MTIF2: variants seen among roughly 807,000 people sequenced by gnomAD.
MTIF2 encodes the protein mitochondrial translational initiation factor 2.
MTIF2 carries 71 observed loss-of-function variants against 83.5 expected under a neutral mutation model. The observed-to-expected ratio is 0.85, with a 90% confidence interval of 0.70 to 1.04. The LOEUF (loss-of-function observed/expected upper bound fraction) is 1.04. Among genes scored for constraint, MTIF2 ranks in the 50% least tolerant of loss-of-function variants. The probability of loss-of-function intolerance (pLI) is 0.00; values close to 1 mark genes in which losing one functional copy is unlikely to be tolerated. For synonymous variants in MTIF2, 319 were observed against 287.1 expected (o/e 1.11, Z -1.12); for missense variants, 957 against 846.5 (o/e 1.13, Z -1.62).
chr2:55,263,007 G>A (rs755209693), intron 4 of MTIF2, among the ~76,000 whole-genome samples: 13 of 152,168 alleles, frequency 8.5e-5, no homozygotes, highest in South Asian at 2.1e-4. Flanking sequence ...GATTACAGGC[G>A]TGAGCCACCA....
At chr2:55,258,637 C>A (rs1677723630) in intron 5 of MTIF2, among the ~76,000 whole-genome samples, 1 of 152,050 alleles carries the variant, frequency 6.6e-6, no homozygotes, top group Non-Finnish European at 1.5e-5. Context: ...CATGCTGAAA[C>A]CTCGTCTCTA....
intron 14 of MTIF2, among the ~76,000 whole-genome samples, chr2:55,237,905 ACT>A (rs961739077): frequency 6.6e-6 from 1 of 151,276 alleles, no homozygotes; most frequent in African/African-American, 2.4e-5. Flanking sequence ...CCCACCTCAG[ACT>A]CTCAAAGTGC....
intron 3 of MTIF2, among the ~76,000 whole-genome samples, 153 bp downstream of exon 3, chr2:55,267,416 C>T (rs973826313): frequency 3.9e-5 from 6 of 152,308 alleles, no homozygotes; most frequent in South Asian, 2.1e-4. Flanking sequence ...GCCTTGGCCT[C>T]CCAAAGTGCT....
In MTIF2 at chr2:55,243,445, T is replaced by G. The variant is rs370762160; in HGVS notation, c.1535A>C (p.Asp512Ala). The G allele has an allele frequency of 6.2e-6, 10 of 1,609,280 alleles. No individual in the cohort carries two copies. The African/African-American group carries it at 1.2e-4, about 19-fold the overall frequency. The change falls in exon 12 of 16, where the codon GAT (aspartate) becomes GCT (alanine). Residue 512 changes from aspartate (D) to alanine (A), a missense_variant. Asp to Ala is a moderately radical substitution (Grantham distance 126). Around this residue, in one of 3 missense-constraint regions of MTIF2, gnomAD observed 733 missense variants for 648.7 expected, o/e 1.13. Coordinates refer to ENST00000263629, the MANE Select transcript of MTIF2 (RefSeq NM_002453.3). The part of the protein sequence containing the change: ...PLKPKEKRER[D>A]SNVLSVIIKG... ...AATAATCACAGAAAGTACATTTGAATCTCTTTCCCTTTTCTCTTTTGGCTT... is the reference window on the plus strand; with the variant it reads ...AATAATCACAGAAAGTACATTTGAAGCTCTTTCCCTTTTCTCTTTTGGCTT...
chr2:55,252,796 A>G, intron 7 of MTIF2, 143 bp from the exon 8 acceptor site: 2 of 572,092 alleles, frequency 3.5e-6, no homozygotes, highest in South Asian at 3.7e-5. Context: ...CAGAACACAG[A>G]TCATCATTTC....
intron 9 of MTIF2, 144 bp from the exon 10 acceptor site, chr2:55,246,605 C>A: frequency 6.7e-5 from 45 of 667,730 alleles, no homozygotes; most frequent in Middle Eastern, 3.6e-4. Flanking sequence ...CTCAATTTAA[C>A]AAAGAAAGGG....
intron 8 of MTIF2, among the ~76,000 whole-genome samples, chr2:55,250,647 A>G (rs915502477): frequency 6.6e-6 from 1 of 152,204 alleles, no homozygotes; most frequent in Non-Finnish European, 1.5e-5. Flanking sequence ...AGGACCAAAC[A>G]ATCTTTTAAT....
At chr2:55,243,137 T>A in intron 12 of MTIF2, 57 bp from the exon 13 acceptor site, 1 of 1,485,032 alleles carries the variant, frequency 6.7e-7, no homozygotes, top group South Asian at 1.3e-5. Flanking sequence ...TCAGCAGACA[T>A]AAAAATGACA....
At chr2:55,237,726 C>T (rs1675987674) in intron 14 of MTIF2, among the ~76,000 whole-genome samples, 1 of 140,102 alleles carries the variant, frequency 7.1e-6, no homozygotes. Flanking sequence ...TCTTGGCTCA[C>T]TGCAACCTCC....
intron 5 of MTIF2, among the ~76,000 whole-genome samples, chr2:55,255,854 G>C (rs1041219015): frequency 1.3e-5 from 2 of 151,856 alleles, no homozygotes; most frequent in Non-Finnish European, 2.9e-5. Flanking sequence ...AATAATAACT[G>C]CAAGAGAACC....
intron 8 of MTIF2, among the ~76,000 whole-genome samples, chr2:55,250,493 T>C (rs753038514): frequency 6.6e-6 from 1 of 152,118 alleles, no homozygotes; most frequent in Non-Finnish European, 1.5e-5. Context: ...CCAGGGTTTA[T>C]TTACTCATTG....
At chr2:55,245,822 T>G (rs1272360165) in intron 10 of MTIF2, among the ~76,000 whole-genome samples, 2 of 152,234 alleles carry the variant, frequency 1.3e-5, no homozygotes, top group African/African-American at 4.8e-5. Context: ...TGACAGAATC[T>G]TAACCCACTT....
intron 8 of MTIF2, 76 bp downstream of exon 8, chr2:55,252,401 A>G: frequency 7.9e-7 from 1 of 1,264,032 alleles, no homozygotes; most frequent in Non-Finnish European, 1.1e-6. Flanking sequence ...TGTTGTGAAG[A>G]CTAAATGAGC....
At chr2:55,255,761 T>C (rs531913466) in intron 5 of MTIF2, among the ~76,000 whole-genome samples, 90 of 152,194 alleles carry the variant, frequency 5.9e-4, no homozygotes, top group African/African-American at 2.1e-3. Context: ...GTACGACAGC[T>C]GAAACAGTGT....
At chr2:55,251,679 A>G (rs754260111) in intron 8 of MTIF2, among the ~76,000 whole-genome samples, 33 of 152,194 alleles carry the variant, frequency 2.2e-4, no homozygotes, top group Non-Finnish European at 4.4e-4. Context: ...GCTGGAGTGC[A>G]ATGGCACAAT....
At chr2:55,268,787 T>G (rs1444604533) in intron 1 of MTIF2, 48 bp from the exon 2 acceptor site, 1 of 152,188 alleles carries the variant, frequency 6.6e-6, no homozygotes, top group Admixed American at 6.5e-5. Context: ...GGAAAACGTC[T>G]GAATGTGAGC....
chr2:55,266,763 C>CTTTTTT (rs1216777992), intron 3 of MTIF2, among the ~76,000 whole-genome samples: 10 of 86,304 alleles, frequency 1.2e-4, no homozygotes, highest in African/African-American at 1.4e-4. Context: ...ACATTTCATT[C>CTTTTTT]TTTTTTTTTT....
In MTIF2 at chr2:55,243,560, G is replaced by T; in HGVS notation, c.1420C>A (p.His474Asn). The change falls in exon 12 of 16, where the codon CAT becomes AAT. Residue 474 changes from histidine to asparagine, a missense_variant. By Grantham distance (68) the His-to-Asn change is moderately conservative. Coordinates refer to ENST00000263629, the MANE Select transcript of MTIF2 (RefSeq NM_002453.3). Reference sequence around the variant, plus strand: ...CCATACTTCTCACGGGCTTTCTGATGTGCTTCTTTGTGTTCCTTTCGCTTT... The same window carrying T: ...CCATACTTCTCACGGGCTTTCTGATTTGCTTCTTTGTGTTCCTTTCGCTTT... ...EEKRKEHKEA[H>N]QKAREKYGHL... is the part of the protein sequence containing the mutation. The T allele has an allele frequency of 6.2e-7, 1 of 1,614,044 alleles. No homozygotes were observed. Among genetic ancestry groups the T allele is most frequent in the African/African-American group, 1.3e-5 (1 of 75,010 alleles).
intron 9 of MTIF2, among the ~76,000 whole-genome samples, chr2:55,247,102 G>A (rs1213399154): frequency 1.3e-5 from 2 of 152,034 alleles, no homozygotes; most frequent in African/African-American, 2.4e-5. Context: ...AGCTGGAGTG[G>A]GTGATTCTTT....
Sources: gnomAD v4.1 joint callset for allele counts (sites outside exome capture counted in the v4.1 genomes callset) on GRCh38, gnomAD v4.1.1 for gene constraint, gnomAD v4.1.1 regional missense constraint, MANE v1.5 for transcripts, NCBI Gene and HGNC (gene_info 2026-07-23, HGNC 2026-07-21) for gene names.